The following KIF5B variants were observed in gnomAD, a reference collection of about 807,000 sequenced individuals.
KIF5B encodes kinesin family member 5B.
KIF5B carries 49 observed loss-of-function variants against 132.8 expected under a neutral mutation model. The observed-to-expected ratio is 0.37, with a 90% CI of 0.29 to 0.47. The LOEUF (loss-of-function observed/expected upper bound fraction) is 0.47, where lower values mean the gene tolerates loss of function less well. Among genes scored for constraint, KIF5B ranks in the 20% least tolerant of loss-of-function variants. The pLI is 1.00. For missense variants in KIF5B, 780 were observed against 1,144.0 expected (o/e 0.68, Z 4.59); for synonymous variants, 355 against 369.4 (o/e 0.96, Z 0.45).
At chr10:32,033,333 C>CT (rs1043318618) in intron 12 of KIF5B, among the ~76,000 whole-genome samples, 1 of 152,184 alleles carries the variant, frequency 6.6e-6, no homozygotes, top group African/African-American at 2.4e-5. Flanking sequence ...AACCAAGAAG[C>CT]ACAGCAGGAG....
chr10:32,009,257 A>C lies in KIF5B; in HGVS notation c.*2280T>G, dbSNP rs941163634. ...CTTAAGTTAGGCAAATAATTTAATT[A>C]ATCGCCATGAATAAATATTCTCTTT... On this transcript the variant is annotated 3_prime_UTR_variant, in exon 26 of 26. Transcript: ENST00000302418. 4 of 152,210 alleles carry C rather than the reference A, an allele frequency of 2.6e-5. No individual in the cohort carries two copies. Among genetic ancestry groups the C allele is most frequent in the African/African-American group, 9.7e-5 (4 of 41,448 alleles). 9.4% of individuals were successfully genotyped at this position (152,210 alleles called of 1,614,324 possible).
rs1259993549 is a variant in KIF5B at position 32,034,744 on chromosome 10, T to G, written c.1057A>C (p.Ile353Leu). The change falls in exon 11 of 26, where the codon ATC (isoleucine) becomes CTC (leucine). Residue 353 changes from isoleucine (I) to leucine (L), a missense_variant. Ile to Leu is a conservative substitution (Grantham distance 5). Coordinates refer to ENST00000302418, the MANE Select transcript of KIF5B (RefSeq NM_004521.3). Reference protein sequence around the residue: ...KYEKEKEKNKILRNTIQWLEN... With the variant: ...KYEKEKEKNKLLRNTIQWLEN... ...AGCCACTGAATAGTGTTCCGCAGGA[T>G]CTTATTTTTTTCTTTTTCTTTTTCA... The G allele has an allele frequency of 4.3e-6, 7 of 1,609,466 alleles. No homozygotes were observed. The South Asian group carries it at 7.7e-5, about 18-fold the overall frequency.
At position 32,031,101 on chromosome 10, in the gene KIF5B, A is replaced by C. The variant is rs973850430; in HGVS notation, c.1553T>G (p.Leu518Trp). The C allele has an allele frequency of 1.9e-6, 3 of 1,613,110 alleles. No individual in the cohort carries two copies. The highest frequency in any genetic ancestry group is 2.5e-6 in the Non-Finnish European group (3 of 1,179,296). ...TTTCTGATTCAATTCATCACTAAGCAATTCATATTCCTTAGTTTTGTCTTC... is the reference window on the plus strand; with the variant it reads ...TTTCTGATTCAATTCATCACTAAGCCATTCATATTCCTTAGTTTTGTCTTC... Reference protein sequence around the residue: ...EVEDKTKEYELLSDELNQKSA... With the variant: ...EVEDKTKEYEWLSDELNQKSA... Residue 518 changes from leucine (L) to tryptophan (W), a missense_variant, in exon 14 of 26, where the codon TTG becomes TGG. By Grantham distance (61) the Leu-to-Trp change is moderately conservative (BLOSUM62 -2). Transcript: ENST00000302418.
Position 32,056,268 on chromosome 10 carries a change from G to A in KIF5B, c.-295C>T. ...TCCTCAGCGTCCCCCTTTACGGTCT[G>A]GGCGGACTGCGGGGGCTGGGGAGGT... On this transcript the variant is annotated 5_prime_UTR_variant, in exon 1 of 26. Transcript: ENST00000302418. The A allele has an allele frequency of 5.4e-6, 2 of 372,852 alleles. No individual in the cohort carries two copies. Among genetic ancestry groups the A allele is most frequent in the East Asian group, 7.2e-5 (1 of 13,908 alleles). The allele number at this position is 372,852 out of a possible 1,614,324, so 23.1% of individuals were successfully genotyped here.
At chr10:32,024,224 G>A (rs7100636) in intron 15 of KIF5B, among the ~76,000 whole-genome samples, 27,422 of 123,442 alleles carry the variant, frequency 0.22, 3,058 homozygotes, top group Middle Eastern at 0.3. Context: ...GCGGGATCTC[G>A]GCTCACTGCA....
chr10:32,047,995 A>G (rs1841636169), intron 2 of KIF5B, among the ~76,000 whole-genome samples: 1 of 152,262 alleles, frequency 6.6e-6, no homozygotes, highest in Admixed American at 6.5e-5. Context: ...ACTGGAATGT[A>G]CATACTTTTC....
intron 1 of KIF5B, among the ~76,000 whole-genome samples, chr10:32,050,946 AAAGT>A (rs771693633): frequency 6.6e-6 from 1 of 152,252 alleles, no homozygotes; most frequent in Non-Finnish European, 1.5e-5. Context: ...ATGCAAAAAG[AAAGT>A]AATTTTCCCT....
intron 3 of KIF5B, among the ~76,000 whole-genome samples, chr10:32,039,844 T>C (rs961107926): frequency 2.0e-5 from 3 of 152,322 alleles, no homozygotes; most frequent in Admixed American, 6.5e-5. Flanking sequence ...AAAGAAGCAG[T>C]CATTTACTTA....
intron 1 of KIF5B, among the ~76,000 whole-genome samples, chr10:32,050,494 T>C (rs974076476): frequency 6.6e-5 from 10 of 152,142 alleles, no homozygotes; most frequent in African/African-American, 1.7e-4. Flanking sequence ...ATCTTGCAAA[T>C]ACGACAAACA....
In KIF5B at chr10:32,034,804, C is replaced by T; in HGVS notation, c.997G>A (p.Val333Met). ...TTCCACTGTTCTGCAGTTAACTCCACATTGACACAAACTGTGTTCTTAATT... is the reference window on the plus strand; with the variant it reads ...TTCCACTGTTCTGCAGTTAACTCCATATTGACACAAACTGTGTTCTTAATT... Reference protein sequence around the residue: ...KTIKNTVCVNVELTAEQWKKK... With the variant: ...KTIKNTVCVNMELTAEQWKKK... Residue 333 changes from valine (V) to methionine (M), a missense_variant, in exon 11 of 26, where the codon GTG becomes ATG. This residue lies in a region of KIF5B where 471 missense variants were observed against 569.9 expected (regional missense o/e 0.83). Coordinates refer to ENST00000302418, the MANE Select transcript of KIF5B (RefSeq NM_004521.3). 1.2e-6 allele frequency: 2 copies of T among 1,602,258 alleles called. No individual in the cohort carries two copies. The highest frequency in any genetic ancestry group is 2.7e-5 in the African/African-American group (2 of 74,148).
At chr10:32,016,498 A>C (rs1841167399) in intron 24 of KIF5B, among the ~76,000 whole-genome samples, 1 of 152,094 alleles carries the variant, frequency 6.6e-6, no homozygotes. Context: ...AAACACAAAA[A>C]AAACACTTCC....
At chr10:32,022,057 T>A in intron 17 of KIF5B, 83 bp downstream of exon 17, 1 of 691,116 alleles carries the variant, frequency 1.4e-6, no homozygotes, top group Non-Finnish European at 2.5e-6. Flanking sequence ...TCCTACTATT[T>A]CTTTCAGTGT....
At chr10:32,053,553 A>C (rs1330107320) in intron 1 of KIF5B, among the ~76,000 whole-genome samples, 1 of 151,912 alleles carries the variant, frequency 6.6e-6, no homozygotes, top group Non-Finnish European at 1.5e-5. Flanking sequence ...GGTGAAACCC[A>C]TCTCTACTAA....
intron 17 of KIF5B, 55 bp from the exon 18 acceptor site, chr10:32,021,342 A>G: frequency 7.8e-7 from 1 of 1,283,050 alleles, no homozygotes; most frequent in Non-Finnish European, 1.1e-6. Context: ...GGTTCCTCAT[A>G]TAAACCAAGG....
At chr10:32,049,311 A>T (rs1412791597) in intron 1 of KIF5B, among the ~76,000 whole-genome samples, 1 of 152,230 alleles carries the variant, frequency 6.6e-6, no homozygotes, top group African/African-American at 2.4e-5. Context: ...ATGAAAGTGC[A>T]ATGAGAGAAT....
chr10:32,016,828 G>A (rs1230188339), intron 24 of KIF5B, among the ~76,000 whole-genome samples: 8 of 152,160 alleles, frequency 5.3e-5, no homozygotes, highest in African/African-American at 1.2e-4. Context: ...GAGCCGCTGC[G>A]CCCAGCCACC....
Position 32,037,532 on chromosome 10 carries a change from C to T in KIF5B, c.574G>A (p.Val192Ile), listed in dbSNP as rs752827293. The T allele has an allele frequency of 2.5e-6, 4 of 1,611,778 alleles. No individual in the cohort carries two copies. The highest frequency in any genetic ancestry group is 3.4e-6 in the Non-Finnish European group (4 of 1,177,906). Reference sequence around the variant, plus strand: ...ATTTTCTACTTACTTGTAACTGCTACATGTCTGTTGGATTTTCCTTCATCT... The same window carrying T: ...ATTTTCTACTTACTTGTAACTGCTATATGTCTGTTGGATTTTCCTTCATCT... ...TIDEGKSNRH[V>I]AVTNMNEHSS... The change falls in exon 7 of 26, where the codon GTA becomes ATA. Residue 192 changes from valine to isoleucine, a missense_variant. Transcript: ENST00000302418.
rs768804971 is a variant in KIF5B, at chr10:32,023,037, C to T, written c.1726-1G>A. ...CTATCATGCCAGTTCCCTCAGGCTGCTGTAAGGAAAAAGTAAAATAAAAAA... is the reference window on the plus strand; with the variant it reads ...CTATCATGCCAGTTCCCTCAGGCTGTTGTAAGGAAAAAGTAAAATAAAAAA... On this transcript the variant is annotated splice_acceptor_variant, in intron 15 of 25. Transcript: ENST00000302418. LOFTEE classifies it high-confidence loss of function. 1 of 1,539,062 alleles carries T rather than the reference C, an allele frequency of 6.5e-7. No individual in the cohort carries two copies. Among genetic ancestry groups the T allele is most frequent in the South Asian group, 1.3e-5 (1 of 76,856 alleles).
rs946971947 is a variant in KIF5B, at chr10:32,053,030, C to A, written c.126+2818G>T. On this transcript the variant is annotated intron_variant, in intron 1 of 25. Coordinates refer to ENST00000302418, the MANE Select transcript of KIF5B (RefSeq NM_004521.3). ...ATTATGCTTCTAACATCATAAACTA[C>A]AATATTCTTTCAATTTTGATCTAAA... Among the ~76,000 whole-genome samples the A allele has an allele frequency of 2.0e-5, 3 of 152,304 alleles. No homozygotes were observed. The East Asian group carries it at 5.8e-4, about 29-fold the overall frequency.
Sources: gnomAD v4.1 joint callset for allele counts (sites outside exome capture counted in the v4.1 genomes callset) on GRCh38, gnomAD v4.1.1 for gene constraint, gnomAD v4.1.1 regional missense constraint, MANE v1.5 for transcripts, NCBI Gene and HGNC (gene_info 2026-07-23, HGNC 2026-07-21) for gene names.